The following ANO6 variants were observed in gnomAD, a reference collection of about 807,000 sequenced individuals.
ANO6 encodes the protein anoctamin 6.
ANO6 carries 106 observed loss-of-function variants against 117.5 expected under a neutral mutation model. The ratio of observed to expected loss-of-function variants is 0.90; its 90% CI spans 0.77 to 1.06. The LOEUF (loss-of-function observed/expected upper bound fraction) is 1.06, where lower values mean the gene tolerates loss of function less well. ANO6 is among the 50% of genes least tolerant of loss of function. The pLI is 0.00. For missense variants in ANO6, 955 were observed against 1,121.1 expected, an observed-to-expected ratio of 0.85 and a Z score of 2.12; for synonymous variants, 367 against 385.1, an observed-to-expected ratio of 0.95 and a Z score of 0.55.
intron 1 of ANO6, 43 bp from the exon 2 acceptor site, chr12:45,301,971 G>T: frequency 6.5e-7 from 1 of 1,537,940 alleles, no homozygotes; most frequent in Non-Finnish European, 9.0e-7. Context: ...GTGAGCCAGT[G>T]CAGGTTCATG....
chr12:45,297,637 G>A (rs6582541), intron 1 of ANO6, among the ~76,000 whole-genome samples: 127,306 of 152,088 alleles, frequency 0.84, 54,508 homozygotes, highest in Non-Finnish European at 0.94. Context: ...TGTTGATTTT[G>A]GACTATCAAA....
At chr12:45,338,961 G>A (rs1940903654) in intron 3 of ANO6, among the ~76,000 whole-genome samples, 1 of 152,072 alleles carries the variant, frequency 6.6e-6, no homozygotes, top group Non-Finnish European at 1.5e-5. Context: ...CCTGAGGTCT[G>A]GCTGTAGGTT....
At chr12:45,432,390 A>C, downstream of ANO6, 1 of 691,624 alleles carries the variant, frequency 1.4e-6, no homozygotes, top group Non-Finnish European at 1.8e-6. Context: ...TTTTTAAGGA[A>C]GAGAACATAT....
Position 45,439,536 on chromosome 12 carries a change from AT to A in ANO6, c.2527-136del, listed in dbSNP as rs1004739990. On this transcript the variant is annotated intron_variant, in intron 19 of 19. Transcript: ENST00000425752. Reference sequence around the variant, plus strand: ...AGGCAGTCTGTCTGGACATGAGGGCATTTGAATTTGGACCTTTAAACAAATT... The same window carrying A: ...AGGCAGTCTGTCTGGACATGAGGGCATTGAATTTGGACCTTTAAACAAATT... 7 of 702,900 alleles carry A rather than the reference AT, an allele frequency of 1.0e-5. No individual in the cohort carries two copies. The South Asian group carries it at 3.1e-4, about 31-fold the overall frequency. 43.5% of individuals were successfully genotyped at this position (702,900 alleles called of 1,614,324 possible).
chr12:45,411,269 T>C (rs1180590930), intron 16 of ANO6, among the ~76,000 whole-genome samples: 1 of 152,216 alleles, frequency 6.6e-6, no homozygotes, highest in African/African-American at 2.4e-5. Flanking sequence ...CTCTTTAAAA[T>C]AGTTATCAAC....
At chr12:45,381,981 TGAA>T (rs1189034650) in intron 10 of ANO6, among the ~76,000 whole-genome samples, 2 of 151,622 alleles carry the variant, frequency 1.3e-5, no homozygotes, top group African/African-American at 4.9e-5. Context: ...ATTTTAAAGA[TGAA>T]GAAGATGACA....
intron 1 of ANO6, among the ~76,000 whole-genome samples, chr12:45,290,258 A>G (rs568381309): frequency 1.3e-5 from 2 of 152,062 alleles, no homozygotes; most frequent in Admixed American, 6.5e-5. Context: ...ATGTGAACCT[A>G]TAGCGGCTTT....
intron 8 of ANO6, 108 bp downstream of exon 8, chr12:45,357,532 C>A: frequency 7.3e-7 from 1 of 1,373,234 alleles, no homozygotes; most frequent in Non-Finnish European, 1.0e-6. Context: ...GCAGAACATT[C>A]ATTGCTTGGG....
chr12:45,335,729 C>A (rs1463208904), intron 3 of ANO6: 1 of 151,894 alleles, frequency 6.6e-6, no homozygotes, highest in Non-Finnish European at 1.5e-5. Flanking sequence ...CTGTAGTGTC[C>A]ATGCAGATCT....
At chr12:45,262,248 G>A (rs1006705549) in intron 1 of ANO6, among the ~76,000 whole-genome samples, 2 of 152,130 alleles carry the variant, frequency 1.3e-5, no homozygotes, top group African/African-American at 4.8e-5. Context: ...TAGACCTATG[G>A]TATCCTGCCT....
At chr12:45,402,717 G>A (rs1942824574) in intron 13 of ANO6, among the ~76,000 whole-genome samples, 1 of 152,202 alleles carries the variant, frequency 6.6e-6, no homozygotes, top group South Asian at 2.1e-4. Flanking sequence ...AGGAAAACAA[G>A]AGAATATCAT....
In ANO6 at chr12:45,252,100, A is replaced by G. The variant is rs530121905; in HGVS notation, c.70+35709A>G. Among the ~76,000 whole-genome samples the G allele has an allele frequency of 3.9e-5, 6 of 152,342 alleles. No homozygotes were observed. In the East Asian group the frequency reaches 9.6e-4, roughly 24 times the overall value. On this transcript the variant is annotated intron_variant, in intron 1 of 19. Transcript: ENST00000320560. ...GAGAACATCTTCCATGAGTTTTAAC[A>G]TAGAATGAAGGGCACAGGATGTTTT...
chr12:45,334,757 A>T (rs550752927), intron 3 of ANO6, among the ~76,000 whole-genome samples: 2 of 152,192 alleles, frequency 1.3e-5, no homozygotes, highest in East Asian at 3.9e-4. Flanking sequence ...GGCACAGTAG[A>T]TGATTAAATA....
downstream of ANO6, chr12:45,432,378 C>A: frequency 1.4e-6 from 1 of 737,062 alleles, no homozygotes; most frequent in Non-Finnish European, 1.6e-6. Flanking sequence ...ATTGTCTTAA[C>A]GTTTTTAAGG....
intron 3 of ANO6, among the ~76,000 whole-genome samples, chr12:45,332,747 T>G (rs577567073): frequency 6.6e-6 from 1 of 152,160 alleles, no homozygotes; most frequent in African/African-American, 2.4e-5. Context: ...ACAGAAGCTC[T>G]GCCATATTCG....
At chr12:45,397,385 T>C (rs963178425) in intron 12 of ANO6, among the ~76,000 whole-genome samples, 19 of 152,170 alleles carry the variant, frequency 1.2e-4, no homozygotes, top group African/African-American at 4.3e-4. Context: ...TTTACACTGT[T>C]GGGAGTGTAA....
Position 45,429,547 on chromosome 12 carries a change from C to T in ANO6, c.*236C>T. The T allele has an allele frequency of 7.6e-7, 1 of 1,311,620 alleles. No homozygotes were observed. Among genetic ancestry groups the T allele is most frequent in the Non-Finnish European group, 9.7e-7 (1 of 1,027,862 alleles). The allele number at this position is 1,311,620 out of a possible 1,614,324, so 81.2% of individuals were successfully genotyped here. A position where few individuals can be genotyped will look rare whatever the true frequency, so the allele number is the denominator to read the frequency against. ...CGGAAAACCTCAATGTTACCTTTTT[C>T]TGATAAATTGGAATTTTACAGAAAA... On this transcript the variant is annotated 3_prime_UTR_variant, in exon 20 of 20. Transcript: ENST00000320560.
At chr12:45,440,167 T>G in exon 20 of ANO6, 1 of 370,726 alleles carries the variant, frequency 2.7e-6, no homozygotes, top group East Asian at 4.2e-5. Context: ...CTCCCTTGTT[T>G]TGCTTTTCAA....
chr12:45,386,383 G>T (rs1448403915), intron 10 of ANO6, among the ~76,000 whole-genome samples: 1 of 152,108 alleles, frequency 6.6e-6, no homozygotes, highest in Non-Finnish European at 1.5e-5. Flanking sequence ...ACCAAACCAG[G>T]TGTCTCCTCT....
Sources: allele counts gnomAD v4.1 joint callset (sites outside exome capture counted in the v4.1 genomes callset), GRCh38; gene constraint gnomAD v4.1.1; transcripts MANE v1.5; gene names NCBI Gene and HGNC (gene_info 2026-07-23, HGNC 2026-07-21).